Variants in RBFOX1 observed in about 807,000 individuals in gnomAD.
RBFOX1 encodes RNA binding protein fox-1 homolog 1.
RBFOX1 carries 8 observed loss-of-function variants against 57.7 expected under a neutral mutation model. The observed-to-expected ratio is 0.14, with a 90% CI of 0.08 to 0.25. RBFOX1 has a LOEUF of 0.25. Ranked by LOEUF, RBFOX1 falls within the 10% of genes least tolerant of loss-of-function variation. The pLI, the probability that RBFOX1 is intolerant of heterozygous loss-of-function variation, is 1.00. For synonymous variants in RBFOX1, 326 were observed against 222.4 expected (o/e 1.47, Z -4.15); for missense variants, 611 against 548.5 (o/e 1.11, Z -1.14).
intron 3 of RBFOX1, among the ~76,000 whole-genome samples, chr16:7,036,514 G>A (rs2044473799): frequency 6.6e-6 from 1 of 151,852 alleles, no homozygotes; most frequent in Non-Finnish European, 1.5e-5. Context: ...TTTGAGACCA[G>A]CCTGGGTGTC....
intron 4 of RBFOX1, among the ~76,000 whole-genome samples, chr16:7,148,436 T>C (rs11648324): frequency 0.55 from 83,427 of 152,018 alleles, 23,197 homozygotes; most frequent in South Asian, 0.67. Context: ...TCCTTCTCTA[T>C]GTATTTTAAA....
At chr16:6,896,657 G>C (rs190136191) in intron 3 of RBFOX1, among the ~76,000 whole-genome samples, 1 of 152,130 alleles carries the variant, frequency 6.6e-6, no homozygotes, top group Non-Finnish European at 1.5e-5. Flanking sequence ...AACAGTGCTT[G>C]GGCATCATCA....
chr16:7,300,088 C>G (rs1325521499), intron 4 of RBFOX1, among the ~76,000 whole-genome samples: 1 of 152,154 alleles, frequency 6.6e-6, no homozygotes, highest in East Asian at 1.9e-4. Context: ...GTAGATTTCA[C>G]TGCCGTCTCC....
intron 4 of RBFOX1, among the ~76,000 whole-genome samples, chr16:7,273,638 G>C (rs1284843013): frequency 6.6e-6 from 1 of 152,160 alleles, no homozygotes; most frequent in African/African-American, 2.4e-5. Flanking sequence ...ATGAGAAAAT[G>C]TAAGAGAAAC....
chr16:5,667,359 C>T lies in RBFOX1; in HGVS notation c.318+68398C>T, dbSNP rs140833864. Among the ~76,000 whole-genome samples, 7 of 152,286 alleles carry T rather than the reference C, an allele frequency of 4.6e-5. No individual in the cohort carries two copies. In the East Asian group the frequency reaches 1.2e-3, roughly 25 times the overall value. On this transcript the variant is annotated intron_variant, in intron 3 of 19. Transcript: ENST00000641259. ...GAACAACTTTGGCTGTGTCCTGTCA[C>T]GTTTGCTCTATGGCACATTGCCATT...
intron 4 of RBFOX1, among the ~76,000 whole-genome samples, chr16:7,311,030 G>C (rs910744942): frequency 6.6e-6 from 1 of 152,182 alleles, no homozygotes; most frequent in African/African-American, 2.4e-5. Flanking sequence ...CCGCTACCTT[G>C]ACCCAATTTG....
intron 3 of RBFOX1, among the ~76,000 whole-genome samples, chr16:5,800,016 C>G (rs1205171089): frequency 6.6e-6 from 1 of 151,818 alleles, no homozygotes; most frequent in Non-Finnish European, 1.5e-5. Context: ...TTCCATTTCT[C>G]CTATTAAGTG....
At chr16:7,160,797 T>C (rs1457166745) in intron 4 of RBFOX1, among the ~76,000 whole-genome samples, 1 of 139,680 alleles carries the variant, frequency 7.2e-6, no homozygotes, top group Admixed American at 7.3e-5. Flanking sequence ...CCCTCCTCCG[T>C]CTCCCCCTTT....
chr16:5,586,114 C>G (rs557176391), intron 2 of RBFOX1, among the ~76,000 whole-genome samples: 1 of 152,272 alleles, frequency 6.6e-6, no homozygotes, highest in African/African-American at 2.4e-5. Context: ...ACTGATGCTT[C>G]TACAAGCCAA....
At chr16:6,643,172 C>G (rs1053804529) in intron 2 of RBFOX1, among the ~76,000 whole-genome samples, 4 of 152,128 alleles carry the variant, frequency 2.6e-5, no homozygotes, top group African/African-American at 4.8e-5. Flanking sequence ...TTTGAAGGCA[C>G]AGAAAGATTG....
At chr16:7,004,804 A>C (rs902902091) in intron 3 of RBFOX1, among the ~76,000 whole-genome samples, 6 of 152,190 alleles carry the variant, frequency 3.9e-5, no homozygotes, top group South Asian at 4.1e-4. Flanking sequence ...ACGTGTCTCT[A>C]TAAGTGGCTG....
chr16:7,702,738 T>G (rs767927440), intron 14 of RBFOX1, among the ~76,000 whole-genome samples: 4 of 152,198 alleles, frequency 2.6e-5, no homozygotes, highest in Non-Finnish European at 5.9e-5. Context: ...ACACTTGGTC[T>G]GGAATGTATG....
intron 14 of RBFOX1, among the ~76,000 whole-genome samples, chr16:7,695,502 A>T (rs988784800): frequency 5.9e-5 from 9 of 151,880 alleles, no homozygotes; most frequent in Non-Finnish European, 2.9e-5. Context: ...AAAATACAAA[A>T]ATTAGCCGGG....
chr16:6,935,749 A>C (rs1289069955), intron 3 of RBFOX1, among the ~76,000 whole-genome samples: 2 of 152,142 alleles, frequency 1.3e-5, no homozygotes, highest in African/African-American at 4.8e-5. Flanking sequence ...TTTAATCAGA[A>C]GAATGGAAAG....
chr16:5,365,669 G>C (rs534964305), intron 1 of RBFOX1: 79 of 341,618 alleles, frequency 2.3e-4, no homozygotes, highest in Middle Eastern at 1.0e-3. Flanking sequence ...CCCTGTCTCA[G>C]TAAATAAGTA....
In RBFOX1 at chr16:7,224,480, C is replaced by T. The variant is rs555376516; in HGVS notation, c.27+172382C>T. Among the ~76,000 whole-genome samples the T allele has an allele frequency of 2.0e-5, 3 of 152,160 alleles. 1 individual carries two copies. The Middle Eastern group carries it at 0.01, about 518-fold the overall frequency. On this transcript the variant is annotated intron_variant, in intron 4 of 15. Transcript: ENST00000550418. ...CTTCTCAGTCTTGGCTGCAAATGAT[C>T]GAGCTATAAAAATACTGCTACCTGG... is the stretch of plus-strand genomic sequence containing the variant.
chr16:7,645,949 C>G (rs1413534430), intron 11 of RBFOX1, among the ~76,000 whole-genome samples: 1 of 146,160 alleles, frequency 6.8e-6, no homozygotes, highest in Non-Finnish European at 1.5e-5. Context: ...CACCACCCAC[C>G]CACCTTTTTT....
chr16:6,264,579 T>C (rs919621511), intron 1 of RBFOX1, among the ~76,000 whole-genome samples: 2 of 152,104 alleles, frequency 1.3e-5, no homozygotes, highest in Non-Finnish European at 2.9e-5. Context: ...TCTGCAGACC[T>C]CAGACCCACC....
intron 4 of RBFOX1, among the ~76,000 whole-genome samples, chr16:7,237,086 G>A (rs149104119): frequency 6.6e-6 from 1 of 152,300 alleles, no homozygotes; most frequent in East Asian, 1.9e-4. Context: ...TGGGGTTTGG[G>A]TGGCAGCCAG....
Sources: gnomAD v4.1 joint callset for allele counts (sites outside exome capture counted in the v4.1 genomes callset) on GRCh38, gnomAD v4.1.1 for gene constraint, MANE v1.5 for transcripts, NCBI Gene and HGNC (gene_info 2026-07-23, HGNC 2026-07-21) for gene names.